The following PAPPA2 variants were observed in gnomAD, a reference collection of about 807,000 sequenced individuals.
PAPPA2 encodes the protein pappalysin-2.
PAPPA2 carries 86 observed loss-of-function variants against 176.4 expected under a neutral mutation model. The ratio of observed to expected loss-of-function variants is 0.49; its 90% confidence interval spans 0.41 to 0.58. The LOEUF is 0.58. Among genes scored for constraint, PAPPA2 ranks in the 20% least tolerant of loss-of-function variants. The pLI, the probability that PAPPA2 is intolerant of heterozygous loss-of-function variation, is 0.00. For synonymous variants in PAPPA2, 809 were observed against 852.2 expected (o/e 0.95, Z 0.88); for missense variants, 2,073 against 2,256.9 (o/e 0.92, Z 1.65).
chr1:176,671,380 A>G (rs1290654137), intron 4 of PAPPA2, among the ~76,000 whole-genome samples: 1 of 152,222 alleles, frequency 6.6e-6, no homozygotes, highest in Non-Finnish European at 1.5e-5. Context: ...AATTGCTGGC[A>G]TAGAATAAGA....
intron 3 of PAPPA2, among the ~76,000 whole-genome samples, chr1:176,626,713 A>T (rs949216503): frequency 2.0e-5 from 3 of 152,144 alleles, no homozygotes; most frequent in Non-Finnish European, 4.4e-5. Context: ...GGATGGGGAA[A>T]AGAAGAGTGT....
intron 21 of PAPPA2, among the ~76,000 whole-genome samples, chr1:176,838,650 A>G (rs538722095): frequency 6.6e-6 from 1 of 152,362 alleles, no homozygotes; most frequent in East Asian, 1.9e-4. Context: ...TCTTGATTCT[A>G]CAGTTATTCC....
intron 1 of PAPPA2, among the ~76,000 whole-genome samples, chr1:176,465,739 C>T (rs1651590455): frequency 6.7e-6 from 1 of 149,854 alleles, no homozygotes; most frequent in South Asian, 2.1e-4. Flanking sequence ...GTTATTTCAT[C>T]ACACAGGTAT....
intron 21 of PAPPA2, among the ~76,000 whole-genome samples, chr1:176,802,990 G>T (rs996477655): frequency 2.0e-5 from 3 of 152,144 alleles, no homozygotes; most frequent in Non-Finnish European, 4.4e-5. Context: ...AAGAACACAC[G>T]TATGCTACAT....
chr1:176,531,147 G>C (rs1220686521), intron 1 of PAPPA2, among the ~76,000 whole-genome samples: 1 of 152,158 alleles, frequency 6.6e-6, no homozygotes, highest in Non-Finnish European at 1.5e-5. Context: ...ATGTAAACAG[G>C]AGTGTTCACA....
intron 3 of PAPPA2, among the ~76,000 whole-genome samples, chr1:176,596,816 G>A (rs1654012583): frequency 6.6e-6 from 1 of 152,176 alleles, no homozygotes; most frequent in Admixed American, 6.5e-5. Context: ...TGCAGGGGTT[G>A]GACATAATAG....
At chr1:176,580,679 G>A (rs914942332) in intron 2 of PAPPA2, among the ~76,000 whole-genome samples, 1 of 151,924 alleles carries the variant, frequency 6.6e-6, no homozygotes, top group Non-Finnish European at 1.5e-5. Flanking sequence ...CATCCCAACT[G>A]GGGTAAAATG....
intron 3 of PAPPA2, 104 bp from the exon 4 acceptor site, chr1:176,670,866 A>C: frequency 7.0e-7 from 1 of 1,437,200 alleles, no homozygotes; most frequent in South Asian, 1.3e-5. Flanking sequence ...TCCAAAAGGT[A>C]ATGCTGGCTG....
At chr1:176,613,392 G>A (rs1421267660) in intron 3 of PAPPA2, among the ~76,000 whole-genome samples, 1 of 152,156 alleles carries the variant, frequency 6.6e-6, no homozygotes, top group Non-Finnish European at 1.5e-5. Flanking sequence ...GGATGAGGAG[G>A]CGTCTCTCAA....
chr1:176,784,621 C>T (rs1255880519), intron 17 of PAPPA2, among the ~76,000 whole-genome samples: 1 of 148,888 alleles, frequency 6.7e-6, no homozygotes, highest in Non-Finnish European at 1.5e-5. Context: ...GAATCTTGCT[C>T]TGTCTACCAG....
rs1045009779 is a variant in PAPPA2, at chr1:176,783,017, T to A, written c.4716-6792T>A. 2.0e-5 allele frequency among the ~76,000 whole-genome samples: 3 copies of A among 152,152 alleles called. No individual in the cohort carries two copies. In the South Asian group the frequency reaches 6.2e-4, roughly 32 times the overall value. On this transcript the variant is annotated intron_variant, in intron 17 of 22. Coordinates refer to ENST00000367662, the MANE Select transcript of PAPPA2 (RefSeq NM_020318.3). The stretch of plus-strand genomic sequence containing the variant: ...AAAAAGGTAAGATTGAGAGGAAGAA[T>A]AGAATCAGTGATGGCTTTTAAGTTC...
chr1:176,612,430 C>CA (rs927461537), intron 3 of PAPPA2, among the ~76,000 whole-genome samples: 9 of 151,578 alleles, frequency 5.9e-5, no homozygotes, highest in Admixed American at 2.6e-4. Flanking sequence ...ACAACGACAG[C>CA]AAAAAAAAGA....
chr1:176,734,425 A>C lies in PAPPA2; in HGVS notation c.3799-5201A>C, dbSNP rs1662303567. Among the ~76,000 whole-genome samples, 7 of 143,134 alleles carry C rather than the reference A, an allele frequency of 4.9e-5. No homozygotes were observed. In the South Asian group the frequency reaches 1.6e-3, roughly 34 times the overall value. The allele number at this position is 143,134 out of a possible 152,430, so 93.9% of individuals were successfully genotyped here. A position where few individuals can be genotyped will look rare whatever the true frequency, so the allele number is the denominator to read the frequency against. The stretch of plus-strand genomic sequence containing the variant: ...ACACACACACACACACACACACACA[A>C]ACTCATGATGTGTTTGTAGCCTTTC... On this transcript the variant is annotated intron_variant, in intron 12 of 22. Coordinates refer to ENST00000367662, the MANE Select transcript of PAPPA2 (RefSeq NM_020318.3).
In PAPPA2 at chr1:176,695,845, C is replaced by G. The variant is rs1461355618; in HGVS notation, c.2732C>G (p.Pro911Arg). 1 of 1,613,852 alleles carries G rather than the reference C, an allele frequency of 6.2e-7. No individual in the cohort carries two copies. The highest frequency in any genetic ancestry group is 8.5e-7 in the Non-Finnish European group (1 of 1,179,988). The change falls in exon 7 of 23, where the codon CCA becomes CGA. Residue 911 changes from proline (P) to arginine (R), a missense_variant. By Grantham distance (103) the Pro-to-Arg change is moderately radical. Coordinates refer to ENST00000367662, the MANE Select transcript of PAPPA2 (RefSeq NM_020318.3). ...TGTGACTCCTCAGGTTATTGGACCC[C>G]AGAGGAGGCTGTGGGTAAAGTACCA... is the stretch of plus-strand genomic sequence containing the variant. ...RVCDSSGYWT[P>R]EEAVGPPDVD...
chr1:176,602,150 G>A (rs779892222), intron 3 of PAPPA2, among the ~76,000 whole-genome samples: 7 of 152,174 alleles, frequency 4.6e-5, no homozygotes, highest in Non-Finnish European at 8.8e-5. Flanking sequence ...TCTGAAGCCT[G>A]TGATGGGCTA....
chr1:176,792,912 A>G (rs1288005495), intron 19 of PAPPA2, among the ~76,000 whole-genome samples: 1 of 152,192 alleles, frequency 6.6e-6, no homozygotes, highest in African/African-American at 2.4e-5. Flanking sequence ...AGATTTTTCT[A>G]CAAGAGACCA....
chr1:176,699,443 G>A lies in PAPPA2; in HGVS notation c.3090G>A (p.Glu1030=), dbSNP rs987369230. 27 of 1,614,042 alleles carry A rather than the reference G, an allele frequency of 1.7e-5. No homozygotes were observed. Among genetic ancestry groups the A allele is most frequent in the South Asian group, 4.4e-5 (4 of 91,082 alleles). The change falls in exon 8 of 23, where the codon GAG becomes GAA. Residue 1030 remains glutamate, a synonymous_variant. Transcript: ENST00000367662. ...VKVYTFDERI[E]IDAALLTSQP... ...TCTACACCTTTGATGAGAGGATAGAGATTGATGCAGCACTCCTGACTTCTC... is the reference window on the plus strand; with the variant it reads ...TCTACACCTTTGATGAGAGGATAGAAATTGATGCAGCACTCCTGACTTCTC...
chr1:176,723,098 A>G (rs1417660461), intron 12 of PAPPA2, among the ~76,000 whole-genome samples: 1 of 152,296 alleles, frequency 6.6e-6, no homozygotes, highest in East Asian at 1.9e-4. Flanking sequence ...CCAGGGTAGT[A>G]GGGCAAAAGA....
At chr1:176,609,427 G>A (rs1220094988) in intron 3 of PAPPA2, among the ~76,000 whole-genome samples, 1 of 124,158 alleles carries the variant, frequency 8.1e-6, no homozygotes, top group African/African-American at 3.0e-5. Flanking sequence ...GCCAGACAGT[G>A]GTAAGTGCTA....
Sources: gnomAD v4.1 joint callset for allele counts (sites outside exome capture counted in the v4.1 genomes callset) on GRCh38, gnomAD v4.1.1 for gene constraint, MANE v1.5 for transcripts, NCBI Gene and HGNC (gene_info 2026-07-23, HGNC 2026-07-21) for gene names.